The following AGBL4 variants were observed in gnomAD, a reference collection of about 807,000 sequenced individuals.
AGBL4 encodes the protein AGBL carboxypeptidase 4.
In AGBL4, 58 loss-of-function variants were observed where a neutral mutation model predicts 66.4. The observed-to-expected ratio is 0.87, with a 90% CI of 0.71 to 1.09. The LOEUF (loss-of-function observed/expected upper bound fraction) is 1.09. Among genes scored for constraint, AGBL4 ranks in the 50% least tolerant of loss-of-function variants. The pLI is 0.00. For missense variants in AGBL4, 579 were observed against 631.0 expected, an observed-to-expected ratio of 0.92 and a Z score of 0.88; for synonymous variants, 234 against 222.9, an observed-to-expected ratio of 1.05 and a Z score of -0.44.
At chr1:49,721,454 A>C (rs1008836270) in intron 2 of AGBL4, among the ~76,000 whole-genome samples, 3 of 152,066 alleles carry the variant, frequency 2.0e-5, no homozygotes, top group African/African-American at 7.2e-5. Flanking sequence ...CAGACACAAT[A>C]AGACAGGATG....
At chr1:49,047,271 G>A (rs1178674817) in intron 4 of AGBL4, among the ~76,000 whole-genome samples, 1 of 152,074 alleles carries the variant, frequency 6.6e-6, no homozygotes, top group Non-Finnish European at 1.5e-5. Context: ...GGGCCATGGG[G>A]TCTAAGGTGG....
At chr1:49,283,033 C>T (rs1435513960) in intron 3 of AGBL4, among the ~76,000 whole-genome samples, 2 of 152,240 alleles carry the variant, frequency 1.3e-5, no homozygotes, top group East Asian at 1.9e-4. Context: ...CTCAAGAAGG[C>T]CTGCCTGCCT....
intron 2 of AGBL4, chr1:49,842,275 G>C (rs1417300480): frequency 2.2e-6 from 1 of 453,056 alleles, no homozygotes; most frequent in Non-Finnish European, 4.2e-6. Flanking sequence ...ACGCCTTCAG[G>C]CTTCTGGTCT....
intron 1 of AGBL4, among the ~76,000 whole-genome samples, chr1:49,916,425 T>A (rs1319597905): frequency 1.3e-5 from 2 of 152,172 alleles, no homozygotes; most frequent in East Asian, 1.9e-4. Flanking sequence ...GCACAAGAAC[T>A]ACGTGATGAA....
At chr1:48,594,194 G>A (rs1569930328) in intron 9 of AGBL4, among the ~76,000 whole-genome samples, 1 of 151,974 alleles carries the variant, frequency 6.6e-6, no homozygotes, top group Admixed American at 6.6e-5. Flanking sequence ...TGTGGTGGTG[G>A]GCACCTGTAA....
In AGBL4 at chr1:48,534,037, CATTGT is replaced by C. The variant is rs1643930833; in HGVS notation, c.*131_*135del. 1 of 1,357,796 alleles carries C rather than the reference CATTGT, an allele frequency of 7.4e-7. No individual in the cohort carries two copies. Among genetic ancestry groups the C allele is most frequent in the Admixed American group, 2.0e-5 (1 of 49,684 alleles). The allele number at this position is 1,357,796 out of a possible 1,614,324, so 84.1% of individuals were successfully genotyped here. A position where few individuals can be genotyped will look rare whatever the true frequency, so the allele number is the denominator to read the frequency against. ...AGGGAAAATCAGTGATGAAGTTTCT[CATTGT>C]ATCCCTTCCCTTTCACTAGCCTATG... On this transcript the variant is annotated 3_prime_UTR_variant, in exon 14 of 14. Coordinates refer to ENST00000371839, the MANE Select transcript of AGBL4 (RefSeq NM_032785.4).
intron 6 of AGBL4, among the ~76,000 whole-genome samples, chr1:48,696,647 C>A (rs551464160): frequency 6.6e-6 from 1 of 152,160 alleles, no homozygotes; most frequent in African/African-American, 2.4e-5. Flanking sequence ...ACTTGAAAAG[C>A]GGGACACAGG....
intron 3 of AGBL4, among the ~76,000 whole-genome samples, chr1:49,254,242 TG>T (rs572273831): frequency 4.6e-5 from 7 of 152,116 alleles, no homozygotes; most frequent in Non-Finnish European, 1.0e-4. Context: ...TGTTTCTAGA[TG>T]GCACGATCCT....
At chr1:48,824,023 C>T (rs985826155) in intron 6 of AGBL4, among the ~76,000 whole-genome samples, 3 of 152,042 alleles carry the variant, frequency 2.0e-5, no homozygotes, top group Non-Finnish European at 2.9e-5. Context: ...GTTTCCTTCT[C>T]CCAAGATGTG....
At position 48,935,883 on chromosome 1, in the gene AGBL4, T is replaced by A. The variant is rs1032333622; in HGVS notation, c.595-68653A>T. On this transcript the variant is annotated intron_variant, in intron 5 of 13. Coordinates refer to ENST00000371839, the MANE Select transcript of AGBL4 (RefSeq NM_032785.4). ...CTGAGGCAGGAGAATCGCTTGAACC[T>A]GGGAGGCGGACGTTGCAGTGAGCCA... 2.3e-5 allele frequency among the ~76,000 whole-genome samples: 3 copies of A among 132,616 alleles called. No homozygotes were observed. In the South Asian group the frequency reaches 7.7e-4, roughly 34 times the overall value. The allele number at this position is 132,616 out of a possible 152,430, so 87.0% of individuals were successfully genotyped here. A position where few individuals can be genotyped will look rare whatever the true frequency, so the allele number is the denominator to read the frequency against.
chr1:49,443,179 CT>C (rs1299875639), intron 3 of AGBL4, among the ~76,000 whole-genome samples: 37 of 152,072 alleles, frequency 2.4e-4, no homozygotes, highest in Non-Finnish European at 4.7e-4. Context: ...GATATTAGTC[CT>C]TTATCAGATC....
intron 5 of AGBL4, among the ~76,000 whole-genome samples, chr1:48,981,682 C>T (rs1211420160): frequency 1.3e-5 from 2 of 152,034 alleles, no homozygotes; most frequent in Non-Finnish European, 2.9e-5. Flanking sequence ...GTCAGGGGTT[C>T]GAGACCAGCC....
intron 10 of AGBL4, among the ~76,000 whole-genome samples, chr1:48,588,798 C>CAGAGAAGAGAAGGGA (rs1644865953): frequency 2.7e-5 from 3 of 113,112 alleles, no homozygotes; most frequent in African/African-American, 1.0e-4. Flanking sequence ...CATTGAGGAT[C>CAGAGAAGAGAAGGGA]AGAGAAGAGA....
chr1:48,580,810 C>T (rs61772828), intron 11 of AGBL4, among the ~76,000 whole-genome samples: 20,368 of 152,122 alleles, frequency 0.13, 1,567 homozygotes, highest in East Asian at 0.24. Context: ...TGGTCTGGCT[C>T]TGCCTATATT....
chr1:48,857,189 A>T (rs1459163714), intron 6 of AGBL4, among the ~76,000 whole-genome samples: 1 of 152,214 alleles, frequency 6.6e-6, no homozygotes, highest in Admixed American at 6.5e-5. Context: ...CTCTGAGTAG[A>T]CATTCCTAAA....
intron 1 of AGBL4, among the ~76,000 whole-genome samples, chr1:49,866,488 G>A (rs933467942): frequency 6.6e-6 from 1 of 152,144 alleles, no homozygotes; most frequent in African/African-American, 2.4e-5. Context: ...TTCTGGCTGG[G>A]CACGGTGGCT....
At chr1:48,555,287 A>G (rs558775393) in intron 11 of AGBL4, among the ~76,000 whole-genome samples, 3 of 152,266 alleles carry the variant, frequency 2.0e-5, no homozygotes, top group Non-Finnish European at 4.4e-5. Context: ...TTTCAGGAAT[A>G]CAATTGCATA....
chr1:48,973,900 T>C (rs1659111570), intron 5 of AGBL4, among the ~76,000 whole-genome samples: 1 of 152,150 alleles, frequency 6.6e-6, no homozygotes, highest in Non-Finnish European at 1.5e-5. Context: ...GGGTTTTGTG[T>C]GCTTGTTTGT....
intron 3 of AGBL4, among the ~76,000 whole-genome samples, chr1:49,592,980 T>C (rs1287214027): frequency 1.3e-5 from 2 of 152,208 alleles, no homozygotes; most frequent in Non-Finnish European, 2.9e-5. Context: ...ACAATGCTTA[T>C]CCTAATTAAA....
Sources: allele counts gnomAD v4.1 joint callset (sites outside exome capture counted in the v4.1 genomes callset), GRCh38; gene constraint gnomAD v4.1.1; transcripts MANE v1.5; gene names NCBI Gene and HGNC (gene_info 2026-07-23, HGNC 2026-07-21).